The following NPAS3 variants were observed in gnomAD, a reference collection of about 807,000 sequenced individuals.
NPAS3 encodes neuronal PAS domain-containing protein 3.
In NPAS3, 14 loss-of-function variants were observed where a neutral mutation model predicts 73.1. That is an observed-to-expected ratio of 0.19 (90% confidence interval 0.13 to 0.30). NPAS3 has a LOEUF of 0.30. NPAS3 is among the 10% of genes least tolerant of loss of function. The pLI, the probability that NPAS3 is intolerant of heterozygous loss-of-function variation, is 1.00. For synonymous variants in NPAS3, 620 were observed against 541.5 expected (o/e 1.14, Z -2.01); for missense variants, 1,096 against 1,250.0 (o/e 0.88, Z 1.86).
At chr14:33,129,635 T>C (rs1031549654) in intron 2 of NPAS3, among the ~76,000 whole-genome samples, 2 of 152,172 alleles carry the variant, frequency 1.3e-5, no homozygotes, top group African/African-American at 2.4e-5. Context: ...CCAATTGTAG[T>C]AGTTTTAGAA....
chr14:33,569,217 T>C (rs1190375562), intron 5 of NPAS3, among the ~76,000 whole-genome samples: 1 of 152,254 alleles, frequency 6.6e-6, no homozygotes, highest in Non-Finnish European at 1.5e-5. Context: ...AAACTTTCTC[T>C]GATGCTGTTA....
chr14:33,746,933 C>T (rs1469941953), intron 7 of NPAS3, among the ~76,000 whole-genome samples: 6 of 148,914 alleles, frequency 4.0e-5, no homozygotes, highest in African/African-American at 1.5e-4. Context: ...TGTGATATTC[C>T]CCTTCCTGTG....
At chr14:33,315,456 G>A (rs1039746474) in intron 3 of NPAS3, among the ~76,000 whole-genome samples, 1 of 151,818 alleles carries the variant, frequency 6.6e-6, no homozygotes. Context: ...AATATAGCAG[G>A]CATGTGTGCG....
At chr14:33,159,849 G>A (rs544011937) in intron 2 of NPAS3, among the ~76,000 whole-genome samples, 3 of 152,202 alleles carry the variant, frequency 2.0e-5, no homozygotes, top group African/African-American at 7.2e-5. Flanking sequence ...CACTGCGTCT[G>A]GCCTGTAACA....
intron 3 of NPAS3, among the ~76,000 whole-genome samples, chr14:33,295,962 A>T (rs2042281320): frequency 6.6e-6 from 1 of 152,256 alleles, no homozygotes; most frequent in Admixed American, 6.5e-5. Context: ...TTATTTGATC[A>T]TGTATGCTGC....
At chr14:33,272,203 A>G (rs1336235335) in intron 3 of NPAS3, among the ~76,000 whole-genome samples, 1 of 152,150 alleles carries the variant, frequency 6.6e-6, no homozygotes, top group Non-Finnish European at 1.5e-5. Flanking sequence ...TTTTAATATA[A>G]TATTCAGCAG....
chr14:33,127,386 C>A (rs539894195), intron 2 of NPAS3, among the ~76,000 whole-genome samples: 2 of 152,110 alleles, frequency 1.3e-5, no homozygotes, highest in East Asian at 3.9e-4. Context: ...GAGAATATGT[C>A]CTTATTTTAC....
chr14:33,504,031 C>G (rs1424085348), intron 4 of NPAS3, among the ~76,000 whole-genome samples: 2 of 151,940 alleles, frequency 1.3e-5, no homozygotes, highest in African/African-American at 2.4e-5. Flanking sequence ...AGTATCAGTG[C>G]AAAACTACAA....
chr14:33,345,176 G>A (rs763275642), intron 3 of NPAS3, among the ~76,000 whole-genome samples: 1 of 152,142 alleles, frequency 6.6e-6, no homozygotes, highest in African/African-American at 2.4e-5. Context: ...TACTCTAAAC[G>A]TAAAATACAT....
chr14:33,146,603 A>AG (rs1595546984), intron 2 of NPAS3, among the ~76,000 whole-genome samples: 3 of 152,226 alleles, frequency 2.0e-5, no homozygotes, highest in Non-Finnish European at 4.4e-5. Flanking sequence ...CATGCAGAAG[A>AG]GGAAAACAAC....
chr14:33,083,720 C>T (rs2041935483), intron 2 of NPAS3, among the ~76,000 whole-genome samples: 1 of 152,138 alleles, frequency 6.6e-6, no homozygotes, highest in African/African-American at 2.4e-5. Flanking sequence ...GAAGGGTATC[C>T]AGTTTTACTC....
intron 2 of NPAS3, among the ~76,000 whole-genome samples, chr14:33,140,567 T>C (rs2044008342): frequency 6.6e-6 from 1 of 152,174 alleles, no homozygotes; most frequent in Non-Finnish European, 1.5e-5. Context: ...GCATTGAATG[T>C]ATTTATTAAA....
At chr14:33,701,020 T>C (rs2060511030) in intron 6 of NPAS3, among the ~76,000 whole-genome samples, 1 of 152,190 alleles carries the variant, frequency 6.6e-6, no homozygotes, top group South Asian at 2.1e-4. Flanking sequence ...GAAGCACGCA[T>C]GTGAACAAAG....
At chr14:33,112,067 CATT>C (rs1170117337) in intron 2 of NPAS3, among the ~76,000 whole-genome samples, 2 of 152,070 alleles carry the variant, frequency 1.3e-5, no homozygotes, top group Non-Finnish European at 2.9e-5. Flanking sequence ...TCCAGTCTAT[CATT>C]GTTGGACATT....
chr14:33,605,410 AC>A (rs1381805157), intron 5 of NPAS3, among the ~76,000 whole-genome samples: 125 of 145,490 alleles, frequency 8.6e-4, no homozygotes, highest in Non-Finnish European at 6.6e-4. Context: ...AAAAAAAAAA[AC>A]ACAAACCTTT....
intron 3 of NPAS3, among the ~76,000 whole-genome samples, chr14:33,276,262 G>A (rs1323014689): frequency 3.3e-5 from 5 of 152,258 alleles, no homozygotes; most frequent in Non-Finnish European, 7.4e-5. Context: ...GAACACGGGA[G>A]TAGTGAGGAT....
At position 33,466,153 on chromosome 14, in the gene NPAS3, A is replaced by T. The variant is rs143091172; in HGVS notation, c.469-93968A>T. On this transcript the variant is annotated intron_variant, in intron 4 of 11. Coordinates refer to ENST00000356141, the Ensembl canonical transcript of NPAS3. Reference sequence around the variant, plus strand: ...AGTATTACACTGTGTGGGAGAGAGGATGGAGCTGTTTAGAGAAGCAAGAGA... The same window carrying T: ...AGTATTACACTGTGTGGGAGAGAGGTTGGAGCTGTTTAGAGAAGCAAGAGA... 2.0e-4 allele frequency among the ~76,000 whole-genome samples: 31 copies of T among 152,160 alleles called. 1 individual carries two copies. Among genetic ancestry groups the T allele is most frequent in the African/African-American group, 7.5e-4 (31 of 41,510 alleles).
At chr14:33,222,739 T>C (rs1406413150) in intron 3 of NPAS3, among the ~76,000 whole-genome samples, 1 of 152,192 alleles carries the variant, frequency 6.6e-6, no homozygotes, top group Non-Finnish European at 1.5e-5. Flanking sequence ...TTGTGTAGAA[T>C]TGAATTATAT....
chr14:33,339,307 A>G (rs990851438), intron 3 of NPAS3, among the ~76,000 whole-genome samples: 1 of 152,114 alleles, frequency 6.6e-6, no homozygotes, highest in Non-Finnish European at 1.5e-5. Flanking sequence ...ATAGGACCTT[A>G]AAGTTCTGGG....
Sources: allele counts gnomAD v4.1 joint callset (sites outside exome capture counted in the v4.1 genomes callset), GRCh38; gene constraint gnomAD v4.1.1; transcripts MANE v1.5; gene names NCBI Gene and HGNC (gene_info 2026-07-23, HGNC 2026-07-21).